The following KAZN variants were observed in gnomAD, a reference collection of about 807,000 sequenced individuals.
KAZN encodes the protein kazrin, periplakin interacting protein.
KAZN carries 40 observed loss-of-function variants against 87.4 expected under a neutral mutation model. The ratio of observed to expected loss-of-function variants is 0.46; its 90% CI spans 0.36 to 0.60. The LOEUF (loss-of-function observed/expected upper bound fraction) is 0.60. Among genes scored for constraint, KAZN ranks in the 20% least tolerant of loss-of-function variants. The pLI, the probability that KAZN is intolerant of heterozygous loss-of-function variation, is 0.00. For missense variants in KAZN, 898 were observed against 1,073.9 expected, an observed-to-expected ratio of 0.84 and a Z score of 2.29; for synonymous variants, 466 against 458.3, an observed-to-expected ratio of 1.02 and a Z score of -0.22.
chr1:15,052,209 C>T (rs1049896022), intron 4 of KAZN, among the ~76,000 whole-genome samples: 8 of 151,660 alleles, frequency 5.3e-5, no homozygotes, highest in Non-Finnish European at 1.2e-4. Context: ...ATACCCGAGA[C>T]TGGGTAATTT....
intron 2 of KAZN, among the ~76,000 whole-genome samples, chr1:14,545,648 G>A (rs956575014): frequency 6.6e-6 from 1 of 152,048 alleles, no homozygotes; most frequent in Non-Finnish European, 1.5e-5. Flanking sequence ...AGTAACAAAA[G>A]AGCCGAGATC....
At chr1:14,298,354 C>A (rs1654285073) in intron 2 of KAZN, among the ~76,000 whole-genome samples, 1 of 152,164 alleles carries the variant, frequency 6.6e-6, no homozygotes, top group African/African-American at 2.4e-5. Context: ...CCCCTGTGTT[C>A]CTCCTTGTCT....
At chr1:14,886,245 T>TA (rs1463198399) in intron 1 of KAZN, among the ~76,000 whole-genome samples, 1 of 150,816 alleles carries the variant, frequency 6.6e-6, no homozygotes, top group East Asian at 2.0e-4. Flanking sequence ...AACACAGCCA[T>TA]ACCACATCAC....
intron 2 of KAZN, among the ~76,000 whole-genome samples, chr1:14,309,346 GC>G (rs1382035899): frequency 7.9e-5 from 12 of 152,170 alleles, no homozygotes; most frequent in Admixed American, 7.9e-4. Context: ...CACACAGGAT[GC>G]TGTTGGGGAA....
chr1:14,090,910 G>A (rs548324272), intron 1 of KAZN, among the ~76,000 whole-genome samples: 4 of 152,002 alleles, frequency 2.6e-5, no homozygotes, highest in African/African-American at 4.8e-5. Flanking sequence ...TCAGGTGTTC[G>A]AGACCAGCCT....
chr1:13,978,194 C>A (rs1638469269), intron 1 of KAZN, among the ~76,000 whole-genome samples: 1 of 147,890 alleles, frequency 6.8e-6, no homozygotes, highest in Non-Finnish European at 1.5e-5. Flanking sequence ...CGGCGCAAGA[C>A]TCAGAAAACA....
At chr1:14,656,618 T>C (rs1402838234) in intron 1 of KAZN, among the ~76,000 whole-genome samples, 1 of 152,172 alleles carries the variant, frequency 6.6e-6, no homozygotes, top group African/African-American at 2.4e-5. Context: ...TGGGGAAGCC[T>C]CAGGAAACTT....
chr1:15,110,942 A>G (rs1641587529), intron 13 of KAZN, among the ~76,000 whole-genome samples: 1 of 152,244 alleles, frequency 6.6e-6, no homozygotes, highest in South Asian at 2.1e-4. Flanking sequence ...CCTCTGTGCC[A>G]GAGAGCAAAC....
At chr1:14,008,102 G>A (rs981061416) in intron 1 of KAZN, among the ~76,000 whole-genome samples, 4 of 152,138 alleles carry the variant, frequency 2.6e-5, no homozygotes, top group African/African-American at 9.7e-5. Flanking sequence ...CTCACTTCTT[G>A]TAAAAAGGTC....
intron 1 of KAZN, among the ~76,000 whole-genome samples, chr1:14,647,872 T>C (rs1368103483): frequency 6.6e-6 from 1 of 152,158 alleles, no homozygotes; most frequent in East Asian, 1.9e-4. Context: ...TGGTTGGACC[T>C]AGAGAGGGAA....
chr1:15,088,246 G>A (rs1640358870), intron 8 of KAZN, among the ~76,000 whole-genome samples: 2 of 152,228 alleles, frequency 1.3e-5, no homozygotes, highest in Non-Finnish European at 2.9e-5. Context: ...AAAATAGGAG[G>A]GAGGGCTGGA....
chr1:14,056,822 C>T (rs1297031043), intron 1 of KAZN, among the ~76,000 whole-genome samples: 1 of 152,044 alleles, frequency 6.6e-6, no homozygotes, highest in Admixed American at 6.5e-5. Flanking sequence ...TGGCCTCGCT[C>T]CTGTACACCA....
At chr1:14,417,016 A>ATATG (rs1445692901) in intron 2 of KAZN, among the ~76,000 whole-genome samples, 1 of 126,788 alleles carries the variant, frequency 7.9e-6, no homozygotes, top group African/African-American at 3.9e-5. Flanking sequence ...ATATGTACAC[A>ATATG]CACACACACA....
chr1:14,191,585 A>G (rs1646420557), intron 2 of KAZN, among the ~76,000 whole-genome samples: 1 of 152,114 alleles, frequency 6.6e-6, no homozygotes, highest in Non-Finnish European at 1.5e-5. Flanking sequence ...CACGTCTGGG[A>G]GTCATCAGTG....
At chr1:14,846,777 T>C (rs1648823232) in intron 1 of KAZN, among the ~76,000 whole-genome samples, 1 of 152,226 alleles carries the variant, frequency 6.6e-6, no homozygotes, top group African/African-American at 2.4e-5. Flanking sequence ...GCCTTCTACC[T>C]GCCAGGCAGT....
chr1:14,513,199 G>A (rs543526176), intron 2 of KAZN, among the ~76,000 whole-genome samples: 59 of 152,184 alleles, frequency 3.9e-4, no homozygotes, highest in Non-Finnish European at 7.2e-4. Flanking sequence ...GGATATTAGG[G>A]CAAACCGGCT....
intron 2 of KAZN, among the ~76,000 whole-genome samples, chr1:14,400,351 T>C (rs1663296977): frequency 6.6e-6 from 1 of 152,142 alleles, no homozygotes; most frequent in Admixed American, 6.5e-5. Context: ...TCATAAATCA[T>C]AAAATTGTAG....
intron 1 of KAZN, among the ~76,000 whole-genome samples, chr1:14,917,039 A>G (rs911709589): frequency 1.7e-4 from 26 of 152,302 alleles, no homozygotes; most frequent in African/African-American, 6.0e-4. Context: ...GGACTGGGCT[A>G]AGCTCTGCCT....
intron 2 of KAZN, among the ~76,000 whole-genome samples, chr1:14,452,191 C>A (rs140832925): frequency 9.9e-4 from 150 of 152,258 alleles, no homozygotes; most frequent in African/African-American, 3.2e-3. Flanking sequence ...CTGCCCACCT[C>A]GGCATCCCAA....
Sources: allele counts gnomAD v4.1 joint callset (sites outside exome capture counted in the v4.1 genomes callset), GRCh38; gene constraint gnomAD v4.1.1; transcripts MANE v1.5; gene names NCBI Gene and HGNC (gene_info 2026-07-23, HGNC 2026-07-21).